LRP2: variants seen among roughly 807,000 people sequenced by gnomAD.
LRP2 encodes the protein low-density lipoprotein receptor-related protein 2.
In LRP2, 172 loss-of-function variants were observed where a neutral mutation model predicts 531.0. The observed-to-expected ratio is 0.32, with a 90% CI of 0.29 to 0.37. The LOEUF (loss-of-function observed/expected upper bound fraction) is 0.37. Among genes scored for constraint, LRP2 ranks in the 10% least tolerant of loss-of-function variants. The pLI, the probability that LRP2 is intolerant of heterozygous loss-of-function variation, is 1.00. For synonymous variants in LRP2, 1,992 were observed against 2,027.6 expected (o/e 0.98, Z 0.47); for missense variants, 5,167 against 5,868.3 (o/e 0.88, Z 3.90).
At position 169,246,925 on chromosome 2, in the gene LRP2, C is replaced by A; in HGVS notation, c.2970G>T (p.Pro990=). The change falls in exon 21 of 79, where the codon CCG becomes CCT. Residue 990 remains proline, a synonymous_variant. Transcript: ENST00000649046. ...CACACACTCGCTGGAAATTTGGCACCGGGAAGCAGAAGTGGCTGCAGTCAC... is the reference window on the plus strand; with the variant it reads ...CACACACTCGCTGGAAATTTGGCACAGGGAAGCAGAAGTGGCTGCAGTCAC... The part of the protein sequence containing the change: ...PNGDCSHFCF[P]VPNFQRVCGC... 1 of 1,614,142 alleles carries A rather than the reference C, an allele frequency of 6.2e-7. No homozygotes were observed. Among genetic ancestry groups the A allele is most frequent in the Non-Finnish European group, 8.5e-7 (1 of 1,180,028 alleles).
chr2:169,140,879 AT>A (rs761316919), intron 71 of LRP2, among the ~76,000 whole-genome samples: 1 of 152,226 alleles, frequency 6.6e-6, no homozygotes, highest in Non-Finnish European at 1.5e-5. Context: ...AGTTTTCAGA[AT>A]TCTCCTCCGT....
chr2:169,211,159 G>C (rs1446474138), intron 37 of LRP2, among the ~76,000 whole-genome samples: 1 of 152,192 alleles, frequency 6.6e-6, no homozygotes, highest in Non-Finnish European at 1.5e-5. Context: ...GGACGTGTGG[G>C]ACTGGAAGCT....
At position 169,256,217 on chromosome 2, in the gene LRP2, C is replaced by A; in HGVS notation, c.2659G>T (p.Val887Leu). 5 of 1,612,650 alleles carry A rather than the reference C, an allele frequency of 3.1e-6. No individual in the cohort carries two copies. Among genetic ancestry groups the A allele is most frequent in the African/African-American group, 1.3e-5 (1 of 74,964 alleles). The part of the protein sequence containing the change: ...IDWAASRLYW[V>L]DAYFDKIEHS... ...TCAATTTTATCAAAATAGGCATCTA[C>A]CCAGTACAATCGTGAAGCACTAAAA... Residue 887 changes from valine (V) to leucine (L), a missense_variant, in exon 19 of 79, where the codon GTA becomes TTA. Around this residue, in one of 6 missense-constraint regions of LRP2, gnomAD observed 2,811 missense variants for 3,058.0 expected, o/e 0.92. Coordinates refer to ENST00000649046, the MANE Select transcript of LRP2 (RefSeq NM_004525.3).
At chr2:169,212,855 C>T (rs1688645839) in intron 36 of LRP2, among the ~76,000 whole-genome samples, 1 of 151,734 alleles carries the variant, frequency 6.6e-6, no homozygotes, top group Non-Finnish European at 1.5e-5. Context: ...CAAAATCTCA[C>T]AAATCACCAC....
intron 24 of LRP2, among the ~76,000 whole-genome samples, chr2:169,241,951 C>T (rs1429528401): frequency 6.6e-6 from 1 of 152,056 alleles, no homozygotes; most frequent in African/African-American, 2.4e-5. Context: ...AAGGGTAAAC[C>T]AAAACTCTCT....
At chr2:169,143,308 A>G (rs574589911) in intron 70 of LRP2, among the ~76,000 whole-genome samples, 4 of 152,312 alleles carry the variant, frequency 2.6e-5, no homozygotes, top group African/African-American at 7.2e-5. Flanking sequence ...AAGGGAATTT[A>G]GAGCAATGGT....
intron 43 of LRP2, among the ~76,000 whole-genome samples, chr2:169,202,334 T>C (rs149574291): frequency 1.3e-5 from 2 of 152,294 alleles, no homozygotes; most frequent in East Asian, 1.9e-4. Context: ...ATAATGACCT[T>C]TGTGCTACGA....
At chr2:169,216,084 G>T (rs1688777200) in intron 35 of LRP2, among the ~76,000 whole-genome samples, 169 bp downstream of exon 35, 1 of 152,016 alleles carries the variant, frequency 6.6e-6, no homozygotes, top group African/African-American at 2.4e-5. Flanking sequence ...CTTCAGCTAG[G>T]GGCGAGGTAC....
chr2:169,212,695 T>C (rs1179626475), intron 36 of LRP2, among the ~76,000 whole-genome samples: 1 of 151,288 alleles, frequency 6.6e-6, no homozygotes, highest in East Asian at 2.0e-4. Flanking sequence ...TCGCATGTTC[T>C]CACTGGTATG....
At chr2:169,278,526 G>C (rs914653372) in intron 12 of LRP2, among the ~76,000 whole-genome samples, 1 of 151,978 alleles carries the variant, frequency 6.6e-6, no homozygotes, top group Non-Finnish European at 1.5e-5. Context: ...TTTCTCCTCT[G>C]TTTCCTTTAT....
At chr2:169,264,692 C>A (rs189361259) in intron 16 of LRP2, among the ~76,000 whole-genome samples, 4 of 152,058 alleles carry the variant, frequency 2.6e-5, no homozygotes, top group Admixed American at 2.6e-4. Flanking sequence ...GAGAGACACA[C>A]CCACATATGC....
intron 16 of LRP2, among the ~76,000 whole-genome samples, chr2:169,268,365 A>T (rs996545492): frequency 6.6e-6 from 1 of 152,352 alleles, no homozygotes; most frequent in South Asian, 2.1e-4. Flanking sequence ...TCAATAAAAT[A>T]CTGGCAAACC....
chr2:169,170,196 A>G (rs1464076011), intron 59 of LRP2, among the ~76,000 whole-genome samples: 1 of 152,208 alleles, frequency 6.6e-6, no homozygotes, highest in African/African-American at 2.4e-5. Flanking sequence ...TACACAAGAG[A>G]GTCATAGGAG....
rs1558992218 is a variant in LRP2, at chr2:169,169,768, C to T, written c.11431G>A (p.Val3811Ile). ...CCATCGCATTTCAGTTCACTGTGTA[C>T]ACAATGTCCACTTGTACACTGAAAA... ...EYFQCTSGHC[V>I]HSELKCDGSA... The change falls in exon 60 of 79, where the codon GTA becomes ATA. Residue 3811 changes from valine to isoleucine, a missense_variant. Coordinates refer to ENST00000649046, the MANE Select transcript of LRP2 (RefSeq NM_004525.3). The T allele has an allele frequency of 6.2e-7, 1 of 1,614,114 alleles. No homozygotes were observed. Among genetic ancestry groups the T allele is most frequent in the Non-Finnish European group, 8.5e-7 (1 of 1,179,952 alleles).
chr2:169,190,821 G>C (rs1427748564), intron 48 of LRP2, among the ~76,000 whole-genome samples: 1 of 152,140 alleles, frequency 6.6e-6, no homozygotes, highest in Non-Finnish European at 1.5e-5. Flanking sequence ...CCCTACTTTT[G>C]CTAATGCTCG....
rs373350854 is a variant in LRP2 at position 169,207,254 on chromosome 2, T to C, written c.6470-4A>G. ...GCATTGGTGAAATAAAGATTTCCTA[T>C]GGGAAAAATGAAAGTGCATGCTGAT... On this transcript the variant is annotated splice_region_variant and splice_polypyrimidine_tract_variant and intron_variant, in intron 38 of 78. Coordinates refer to ENST00000649046, the MANE Select transcript of LRP2 (RefSeq NM_004525.3). 5.6e-6 allele frequency: 9 copies of C among 1,610,842 alleles called. No individual in the cohort carries two copies. Among genetic ancestry groups the C allele is most frequent in the Non-Finnish European group, 6.8e-6 (8 of 1,177,430 alleles).
At chr2:169,227,067 A>C (rs1689227298) in intron 31 of LRP2, among the ~76,000 whole-genome samples, 1 of 152,210 alleles carries the variant, frequency 6.6e-6, no homozygotes, top group Non-Finnish European at 1.5e-5. Context: ...ACAACACTAC[A>C]AAGTGTTGCC....
In LRP2 at chr2:169,202,749, A is replaced by T. The variant is rs940985618; in HGVS notation, c.8209+7T>A. On this transcript the variant is annotated splice_region_variant and intron_variant, in intron 43 of 78. Coordinates refer to ENST00000649046, the MANE Select transcript of LRP2 (RefSeq NM_004525.3). ...CTCCTACCAAAAGCGCCAAGAGTCCAACTCACCACAGACACTTTCCATCTC... is the reference window on the plus strand; with the variant it reads ...CTCCTACCAAAAGCGCCAAGAGTCCTACTCACCACAGACACTTTCCATCTC... The T allele has an allele frequency of 1.2e-6, 2 of 1,614,132 alleles. No individual in the cohort carries two copies. Among genetic ancestry groups the T allele is most frequent in the African/African-American group, 2.7e-5 (2 of 75,032 alleles).
intron 16 of LRP2, among the ~76,000 whole-genome samples, chr2:169,270,592 G>T (rs1297260802): frequency 7.5e-6 from 1 of 134,222 alleles, no homozygotes; most frequent in South Asian, 3.0e-4. Flanking sequence ...AACATCACAC[G>T]CCAGGGCCTG....
Sources: gnomAD v4.1 joint callset for allele counts (sites outside exome capture counted in the v4.1 genomes callset) on GRCh38, gnomAD v4.1.1 for gene constraint, gnomAD v4.1.1 regional missense constraint, MANE v1.5 for transcripts, NCBI Gene and HGNC (gene_info 2026-07-23, HGNC 2026-07-21) for gene names.